CNGB3: variants seen among roughly 807,000 people sequenced by gnomAD.
CNGB3 encodes the protein cyclic nucleotide gated channel subunit beta 3.
Under a neutral mutation model 92.8 loss-of-function variants are expected in CNGB3, and 86 were observed. The observed-to-expected ratio is 0.93, with a 90% CI of 0.78 to 1.11. The LOEUF is 1.11. Ranked by LOEUF, CNGB3 falls within the 50% of genes least tolerant of loss-of-function variation. CNGB3 has a pLI of 0.00. For missense variants in CNGB3, 1,026 were observed against 956.8 expected (o/e 1.07, Z -0.95); for synonymous variants, 333 against 332.7 (o/e 1.00, Z -0.01).
At chr8:86,579,540 C>T (rs1420456806) in intron 15 of CNGB3, among the ~76,000 whole-genome samples, 1 of 152,134 alleles carries the variant, frequency 6.6e-6, no homozygotes, top group Non-Finnish European at 1.5e-5. Flanking sequence ...ATGCAGAATC[C>T]TTTTGGACTG....
At chr8:86,607,131 T>A (rs1413132821) in intron 14 of CNGB3, among the ~76,000 whole-genome samples, 1 of 152,230 alleles carries the variant, frequency 6.6e-6, no homozygotes, top group East Asian at 1.9e-4. Flanking sequence ...TAAATACAGT[T>A]CAGCTCTTTT....
intron 3 of CNGB3, among the ~76,000 whole-genome samples, chr8:86,693,298 C>T (rs1409081800): frequency 6.6e-6 from 1 of 151,856 alleles, no homozygotes; most frequent in Non-Finnish European, 1.5e-5. Flanking sequence ...AGGAAGTTTG[C>T]CTTGATTAGT....
chr8:86,623,896 C>T (rs2131578687), intron 13 of CNGB3, among the ~76,000 whole-genome samples: 1 of 152,086 alleles, frequency 6.6e-6, no homozygotes, highest in South Asian at 2.1e-4. Context: ...TTGAATATAC[C>T]CAATATTTCG....
chr8:86,599,305 C>G (rs1051365039), intron 15 of CNGB3, among the ~76,000 whole-genome samples: 1 of 152,158 alleles, frequency 6.6e-6, no homozygotes, highest in Non-Finnish European at 1.5e-5. Flanking sequence ...TCATCATCTT[C>G]GTAAACTGAG....
intron 3 of CNGB3, among the ~76,000 whole-genome samples, chr8:86,698,711 G>A (rs1487266242): frequency 6.6e-6 from 1 of 152,128 alleles, no homozygotes; most frequent in Non-Finnish European, 1.5e-5. Context: ...GGTGGGAAGG[G>A]GTAGTTTGTT....
At chr8:86,587,252 A>G (rs1321604912) in intron 15 of CNGB3, among the ~76,000 whole-genome samples, 2 of 151,576 alleles carry the variant, frequency 1.3e-5, no homozygotes, top group East Asian at 3.9e-4. Flanking sequence ...TTGTCAGATG[A>G]GTAGGTTGCA....
At chr8:86,650,352 A>T (rs909993230) in intron 7 of CNGB3, among the ~76,000 whole-genome samples, 19 of 151,684 alleles carry the variant, frequency 1.3e-4, no homozygotes, top group African/African-American at 4.6e-4. Context: ...ATTTCTGTAG[A>T]TCAACCATCT....
intron 3 of CNGB3, among the ~76,000 whole-genome samples, chr8:86,693,074 G>A (rs1253178723): frequency 1.3e-5 from 2 of 152,116 alleles, no homozygotes; most frequent in African/African-American, 4.8e-5. Context: ...CTTCTGGCTT[G>A]CAGGGTTCCT....
chr8:86,621,626 C>A (rs1214907254), intron 13 of CNGB3, among the ~76,000 whole-genome samples: 1 of 152,082 alleles, frequency 6.6e-6, no homozygotes, highest in East Asian at 1.9e-4. Flanking sequence ...GGCTTTTATC[C>A]TTCACCCCCC....
intron 15 of CNGB3, among the ~76,000 whole-genome samples, chr8:86,587,723 C>A (rs1418116838): frequency 6.7e-6 from 1 of 149,578 alleles, no homozygotes; most frequent in African/African-American, 2.5e-5. Context: ...CAGTACCATG[C>A]TGTTTTGGTT....
At chr8:86,696,421 G>T (rs530633461) in intron 3 of CNGB3, among the ~76,000 whole-genome samples, 1 of 152,276 alleles carries the variant, frequency 6.6e-6, no homozygotes, top group Non-Finnish European at 1.5e-5. Flanking sequence ...TACGTCTTTT[G>T]TCTTCAGGGT....
At chr8:86,622,716 G>A (rs1029287127) in intron 13 of CNGB3, among the ~76,000 whole-genome samples, 1 of 152,200 alleles carries the variant, frequency 6.6e-6, no homozygotes, top group Non-Finnish European at 1.5e-5. Flanking sequence ...AACCTGGCCT[G>A]CAATATTTTC....
chr8:86,631,991 T>G (rs1463295577), intron 11 of CNGB3, among the ~76,000 whole-genome samples: 1 of 151,996 alleles, frequency 6.6e-6, no homozygotes, highest in Non-Finnish European at 1.5e-5. Context: ...GCCTTCTGTA[T>G]CAGGTTCTTA....
intron 15 of CNGB3, among the ~76,000 whole-genome samples, chr8:86,598,937 TG>T (rs1253432612): frequency 6.6e-6 from 1 of 152,140 alleles, no homozygotes; most frequent in Non-Finnish European, 1.5e-5. Context: ...CTTATCTTTG[TG>T]GGAGACACCA....
intron 14 of CNGB3, among the ~76,000 whole-genome samples, chr8:86,605,829 C>A (rs1450164524): frequency 1.3e-5 from 2 of 152,144 alleles, no homozygotes; most frequent in African/African-American, 4.8e-5. Context: ...TGAACATCAA[C>A]TATTGTTGCT....
chr8:86,610,016 T>C (rs1295981709), intron 14 of CNGB3, among the ~76,000 whole-genome samples: 1 of 152,212 alleles, frequency 6.6e-6, no homozygotes, highest in African/African-American at 2.4e-5. Flanking sequence ...TTTGGAATTA[T>C]GTATTGACTT....
chr8:86,592,173 G>A (rs1822060023), intron 15 of CNGB3, among the ~76,000 whole-genome samples: 1 of 152,208 alleles, frequency 6.6e-6, no homozygotes. Flanking sequence ...CTTCCCGAGT[G>A]AGGCAATGCC....
chr8:86,729,435 CTTCTCTAGCTATTACCAAGCCT>C (rs1825122876), intron 2 of CNGB3, among the ~76,000 whole-genome samples: 1 of 152,168 alleles, frequency 6.6e-6, no homozygotes, highest in Non-Finnish European at 1.5e-5. Context: ...CTTACCAGAT[CTTCTCTAGCTATTACCAAGCCT>C]TTCTAAATTG....
At chr8:86,688,381 A>G (rs531761471) in intron 3 of CNGB3, among the ~76,000 whole-genome samples, 1 of 152,012 alleles carries the variant, frequency 6.6e-6, no homozygotes. Context: ...AATTTTTTTC[A>G]GGATGCCATG....
Sources: gnomAD v4.1 joint callset for allele counts (sites outside exome capture counted in the v4.1 genomes callset) on GRCh38, gnomAD v4.1.1 for gene constraint, MANE v1.5 for transcripts, NCBI Gene and HGNC (gene_info 2026-07-23, HGNC 2026-07-21) for gene names.